Variants in KRTAP10-5 observed in about 807,000 individuals in gnomAD.
The protein encoded by KRTAP10-5 is keratin associated protein 10-5.
For synonymous variants in KRTAP10-5, 157 were observed against 151.9 expected (o/e 1.03, Z -0.25); for missense variants, 370 against 351.2 (o/e 1.05, Z -0.43).
At position 44,580,307 on chromosome 21, in the gene KRTAP10-5, G is replaced by T. The variant is rs782813695; in HGVS notation, c.272C>A (p.Pro91His). 2 of 1,614,028 alleles carry T rather than the reference G, an allele frequency of 1.2e-6. No homozygotes were observed. The highest frequency in any genetic ancestry group is 1.7e-6 in the Non-Finnish European group (2 of 1,179,990). ...GCAGCACACAGGCTTGCAGCAGACG[G>T]GCACGCAGCAGGCCTGCTGGCAGGG... Reference protein sequence around the residue: ...SSPCQQACCVPVCCKPVCCLP... With the variant: ...SSPCQQACCVHVCCKPVCCLP... Residue 91 changes from proline (P) to histidine (H), a missense_variant, in exon 1 of 1, where the codon CCC (proline) becomes CAC (histidine). By Grantham distance (77) the Pro-to-His change is moderately conservative. Coordinates refer to ENST00000400372, the MANE Select transcript of KRTAP10-5 (RefSeq NM_198694.3).
At position 44,580,363 on chromosome 21, in the gene KRTAP10-5, C is replaced by G. The variant is rs782099085; in HGVS notation, c.216G>C (p.Ser72=). 6.2e-7 allele frequency: 1 copy of G among 1,613,578 alleles called. No individual in the cohort carries two copies. The highest frequency in any genetic ancestry group is 1.7e-5 in the Admixed American group (1 of 60,000). The stretch of plus-strand genomic sequence containing the variant: ...AGGCGCAGCAAGCCGGCTGGCAGCA[C>G]GAGGGCGTGCAGGAGCTGGTGCAGC... ...QSGCTSSCTP[S]CCQPACCASS... Residue 72 remains serine, a synonymous_variant, in exon 1 of 1, where the codon TCG becomes TCC. Transcript: ENST00000400372.
Position 44,579,530 on chromosome 21 carries a change from G to GAA in KRTAP10-5, c.*232_*233insTT. 1 of 599,684 alleles carries GAA rather than the reference G, an allele frequency of 1.7e-6. No homozygotes were observed. The highest frequency in any genetic ancestry group is 2.9e-6 in the Non-Finnish European group (1 of 342,056). The allele number at this position is 599,684 out of a possible 1,614,324, so 37.1% of individuals were successfully genotyped here. ...TTCAAGTCGAGGCCAAGTGACATGG[G>GAA]GCAGAGAAGCTGGGAGGGAGGACAG... On this transcript the variant is annotated 3_prime_UTR_variant, in exon 1 of 1. Coordinates refer to ENST00000400372, the MANE Select transcript of KRTAP10-5 (RefSeq NM_198694.3).
Position 44,580,160 on chromosome 21 carries a change from C to A in KRTAP10-5, c.419G>T (p.Cys140Phe). 2 of 1,613,882 alleles carry A rather than the reference C, an allele frequency of 1.2e-6. No homozygotes were observed. Among genetic ancestry groups the A allele is most frequent in the Non-Finnish European group, 1.7e-6 (2 of 1,179,960 alleles). ...ATCCTCAGAACAGGTGGGCACACAG[C>A]ACACGGGCTTGCAGCAGACAGGCAC... ...CCVPVCCKPV[C>F]CVPTCSEDSS... Residue 140 changes from cysteine (C) to phenylalanine (F), a missense_variant, in exon 1 of 1, where the codon TGC (cysteine) becomes TTC (phenylalanine). Cys to Phe is a radical substitution (Grantham distance 205). Transcript: ENST00000400372.
Position 44,579,641 on chromosome 21 carries a change from G to C in KRTAP10-5, c.*122C>G, listed in dbSNP as rs587638657. The C allele has an allele frequency of 2.6e-5, 32 of 1,224,836 alleles. No individual in the cohort carries two copies. The highest frequency in any genetic ancestry group is 1.1e-4 in the African/African-American group (7 of 64,990). The allele number at this position is 1,224,836 out of a possible 1,614,324, so 75.9% of individuals were successfully genotyped here. ...GAGATTCCTGGGAGTATGGAGGGGGGGGTCACCTCAGCACATGGGGGCCCC... is the reference window on the plus strand; with the variant it reads ...GAGATTCCTGGGAGTATGGAGGGGGCGGTCACCTCAGCACATGGGGGCCCC... On this transcript the variant is annotated 3_prime_UTR_variant, in exon 1 of 1. Coordinates refer to ENST00000400372, the MANE Select transcript of KRTAP10-5 (RefSeq NM_198694.3).
In KRTAP10-5 at chr21:44,579,826, G is replaced by A. The variant is rs782646105; in HGVS notation, c.753C>T (p.Cys251=). The change falls in exon 1 of 1, where the codon TGC becomes TGT. Residue 251 remains cysteine (C), a synonymous_variant. Transcript: ENST00000400372. ...CAPASSYQAS[C]CRPASCVSLL... ...GGGACACGCAGGAGGCCGGGCGGCA[G>A]CAGCTGGCCTGGTAGGAGGAGGCAG... 1.1e-5 allele frequency: 18 copies of A among 1,610,076 alleles called. No homozygotes were observed. The Admixed American group carries it at 2.7e-4, about 24-fold the overall frequency.
chr21:44,580,085 G>A lies in KRTAP10-5; in HGVS notation c.494C>T (p.Ser165Phe), dbSNP rs1555924759. The A allele has an allele frequency of 6.2e-7, 1 of 1,613,710 alleles. No homozygotes were observed. The highest frequency in any genetic ancestry group is 8.5e-7 in the Non-Finnish European group (1 of 1,179,956). ...HSSCQPTCCT[S>F]SPCQQSCYVP... ...GTAGCAGGACTGCTGGCAGGGGGAG[G>A]AGGTGCAGCAAGTCGGCTGGCAGCT... Residue 165 changes from serine to phenylalanine, a missense_variant, in exon 1 of 1, where the codon TCC (serine) becomes TTC (phenylalanine). Transcript: ENST00000400372.
chr21:44,579,975 G>T lies in KRTAP10-5; in HGVS notation c.604C>A (p.Gln202Lys). 6.2e-7 allele frequency: 1 copy of T among 1,613,404 alleles called. No individual in the cohort carries two copies. The highest frequency in any genetic ancestry group is 8.5e-7 in the Non-Finnish European group (1 of 1,179,946). ...CAGCAAGCCGGCTGACAGCTAGACT[G>T]CTGGCAGCATGAAGTGGAAGCCCCA... Reference protein sequence around the residue: ...CSGASTSCCQQSSCQPACCTT... With the variant: ...CSGASTSCCQKSSCQPACCTT... Residue 202 changes from glutamine (Q) to lysine (K), a missense_variant, in exon 1 of 1, where the codon CAG (glutamine) becomes AAG (lysine). Gln to Lys is a moderately conservative substitution (Grantham distance 53). Coordinates refer to ENST00000400372, the MANE Select transcript of KRTAP10-5 (RefSeq NM_198694.3).
Position 44,579,779 on chromosome 21 carries a change from G to C in KRTAP10-5, c.800C>G (p.Ser267Cys), listed in dbSNP as rs1555924555. The C allele has an allele frequency of 7.4e-6, 12 of 1,611,970 alleles. No homozygotes were observed. The highest frequency in any genetic ancestry group is 9.3e-6 in the Non-Finnish European group (11 of 1,179,050). The change falls in exon 1 of 1, where the codon TCC becomes TGC. Residue 267 changes from serine to cysteine, a missense_variant. Physicochemically the swap from Ser to Cys is moderately radical, Grantham distance 112. Transcript: ENST00000400372. ...CVSLLCRPAC[S>C]PLAC ...GCAGAGGCCTCAGCAGGCCAGGGGG[G>C]AGCACGCGGGGCGGCAGAGGAGGGA...
In KRTAP10-5 at chr21:44,580,580, CTGGGG is replaced by C. The variant is rs1555924981; in HGVS notation, c.-7_-3del. ...GACGGACATGGTGCACGCGGCCATG[CTGGGG>C]TGGGGAAGACGTGAGCTGGGAGCTG... On this transcript the variant is annotated 5_prime_UTR_variant, in exon 1 of 1. Coordinates refer to ENST00000400372, the MANE Select transcript of KRTAP10-5 (RefSeq NM_198694.3). 1.2e-6 allele frequency: 2 copies of C among 1,606,164 alleles called. No homozygotes were observed. The highest frequency in any genetic ancestry group is 1.7e-6 in the Non-Finnish European group (2 of 1,176,136).
chr21:44,580,429 G>C lies in KRTAP10-5; in HGVS notation c.150C>G (p.Pro50=). The change falls in exon 1 of 1, where the codon CCC becomes CCG. Residue 50 remains proline, a synonymous_variant. Coordinates refer to ENST00000400372, the MANE Select transcript of KRTAP10-5 (RefSeq NM_198694.3). ...VCTPVSCVSS[P]CCQAACEPSP... ...TGGGCTCACAGGCCGCCTGGCAGCAGGGGCTGGACACACAGCTCACTGGGG... is the reference window on the plus strand; with the variant it reads ...TGGGCTCACAGGCCGCCTGGCAGCACGGGCTGGACACACAGCTCACTGGGG... The C allele has an allele frequency of 6.2e-7, 1 of 1,613,154 alleles. No individual in the cohort carries two copies. The highest frequency in any genetic ancestry group is 1.1e-5 in the South Asian group (1 of 91,020).
In KRTAP10-5 at chr21:44,580,461, C is replaced by T. The variant is rs782558028; in HGVS notation, c.118G>A (p.Val40Ile). Residue 40 changes from valine (V) to isoleucine (I), a missense_variant, in exon 1 of 1, where the codon GTC becomes ATC. Transcript: ENST00000400372. ...GACACACAGCTCACTGGGGTGCAGA[C>T]CAGGGTCAGGCAGGGGGCGGTGCCG... Reference protein sequence around the residue: ...PCGTAPCLTLVCTPVSCVSSP... With the variant: ...PCGTAPCLTLICTPVSCVSSP... The T allele has an allele frequency of 6.2e-7, 1 of 1,613,070 alleles. No individual in the cohort carries two copies. The highest frequency in any genetic ancestry group is 8.5e-7 in the Non-Finnish European group (1 of 1,179,912).
chr21:44,580,534 G>A lies in KRTAP10-5; in HGVS notation c.45C>T (p.Asp15=), dbSNP rs782624088. 1.2e-5 allele frequency: 19 copies of A among 1,613,628 alleles called. No homozygotes were observed. The highest frequency in any genetic ancestry group is 1.4e-5 in the Non-Finnish European group (16 of 1,179,942). The part of the protein sequence containing the change: ...TMSVCSSACS[D]SWRVDDCPES... ...CTGGGCAGTCGTCCACTCGCCAGGAGTCAGAGCAAGCGCTGGAGCAGACGG... is the reference window on the plus strand; with the variant it reads ...CTGGGCAGTCGTCCACTCGCCAGGAATCAGAGCAAGCGCTGGAGCAGACGG... The change falls in exon 1 of 1, where the codon GAC becomes GAT. Residue 15 remains aspartate, a synonymous_variant. Coordinates refer to ENST00000400372, the MANE Select transcript of KRTAP10-5 (RefSeq NM_198694.3).
Position 44,579,881 on chromosome 21 carries a change from C to T in KRTAP10-5, c.698G>A (p.Cys233Tyr), listed in dbSNP as rs1314682031. The T allele has an allele frequency of 1.9e-6, 3 of 1,599,186 alleles. No individual in the cohort carries two copies. The highest frequency in any genetic ancestry group is 2.7e-5 in the African/African-American group (2 of 74,342). ...LLCRPICRPA[C>Y]CLPISSCCAP... is the part of the protein sequence containing the mutation. ...ACAGCAGGAGGAGATGGGCAGGCAGCAGGCGGGCCTGCATATGGGGCGGCA... is the reference window on the plus strand; with the variant it reads ...ACAGCAGGAGGAGATGGGCAGGCAGTAGGCGGGCCTGCATATGGGGCGGCA... Residue 233 changes from cysteine (C) to tyrosine (Y), a missense_variant, in exon 1 of 1, where the codon TGC (cysteine) becomes TAC (tyrosine). Physicochemically the swap from Cys to Tyr is radical, Grantham distance 194. Transcript: ENST00000400372.
At position 44,580,070 on chromosome 21, in the gene KRTAP10-5, T is replaced by A; in HGVS notation, c.509A>T (p.Gln170Leu). Reference sequence around the variant, plus strand: ...GCAACAGACAGGCACGTAGCAGGACTGCTGGCAGGGGGAGGAGGTGCAGCA... The same window carrying A: ...GCAACAGACAGGCACGTAGCAGGACAGCTGGCAGGGGGAGGAGGTGCAGCA... ...PTCCTSSPCQ[Q>L]SCYVPVCCKP... The change falls in exon 1 of 1, where the codon CAG becomes CTG. Residue 170 changes from glutamine (Q) to leucine (L), a missense_variant. Coordinates refer to ENST00000400372, the MANE Select transcript of KRTAP10-5 (RefSeq NM_198694.3). 1 of 1,613,132 alleles carries A rather than the reference T, an allele frequency of 6.2e-7. No individual in the cohort carries two copies. Among genetic ancestry groups the A allele is most frequent in the South Asian group, 1.1e-5 (1 of 90,996 alleles).
rs1211989687 is a variant in KRTAP10-5 at position 44,580,350 on chromosome 21, C to T, written c.229G>A (p.Ala77Thr). The T allele has an allele frequency of 4.3e-6, 7 of 1,613,356 alleles. No individual in the cohort carries two copies. The East Asian group carries it at 8.9e-5, about 21-fold the overall frequency. The change falls in exon 1 of 1, where the codon GCT becomes ACT. Residue 77 changes from alanine to threonine, a missense_variant. By Grantham distance (58) the Ala-to-Thr change is moderately conservative. Transcript: ENST00000400372. ...TGGCAGGGGGAGGAGGCGCAGCAAG[C>T]CGGCTGGCAGCACGAGGGCGTGCAG... ...SSCTPSCCQP[A>T]CCASSPCQQA...
chr21:44,580,240 C>T lies in KRTAP10-5; in HGVS notation c.339G>A (p.Gln113=), dbSNP rs879963618. 2 of 1,610,166 alleles carry T rather than the reference C, an allele frequency of 1.2e-6. No homozygotes were observed. The highest frequency in any genetic ancestry group is 8.5e-7 in the Non-Finnish European group (1 of 1,179,196). The change falls in exon 1 of 1, where the codon CAG becomes CAA. Residue 113 remains glutamine, a synonymous_variant. Coordinates refer to ENST00000400372, the MANE Select transcript of KRTAP10-5 (RefSeq NM_198694.3). ...CSKDSSSCCQ[Q]SSCQPTCCAS... ...CACAGCAAGTTGGCTGGCAGCTAGA[C>T]TGCTGGCAGCATGAAGAGGAATCCT...
rs782651890 is a variant in KRTAP10-5, at chr21:44,580,519, G to A, written c.60C>T (p.Asp20=). ...SSACSDSWRV[D]DCPESCCEPP... ...GCTCACAGCAGCTCTCTGGGCAGTC[G>A]TCCACTCGCCAGGAGTCAGAGCAAG... The change falls in exon 1 of 1, where the codon GAC becomes GAT. Residue 20 remains aspartate (D), a synonymous_variant. Coordinates refer to ENST00000400372, the MANE Select transcript of KRTAP10-5 (RefSeq NM_198694.3). 12 of 1,613,580 alleles carry A rather than the reference G, an allele frequency of 7.4e-6. No homozygotes were observed. Among genetic ancestry groups the A allele is most frequent in the Non-Finnish European group, 7.6e-6 (9 of 1,179,956 alleles).
Position 44,579,938 on chromosome 21 carries a change from C to T in KRTAP10-5, c.641G>A (p.Cys214Tyr), listed in dbSNP as rs1223455753. 1 of 1,614,074 alleles carries T rather than the reference C, an allele frequency of 6.2e-7. No homozygotes were observed. Among genetic ancestry groups the T allele is most frequent in the Non-Finnish European group, 8.5e-7 (1 of 1,179,994 alleles). The part of the protein sequence containing the change: ...SCQPACCTTS[C>Y]CRPSSSVSLL... ...GGACACGGAGGAGGAGGGTCTGCAGCAGGAGGTGGTGCAGCAAGCCGGCTG... is the reference window on the plus strand; with the variant it reads ...GGACACGGAGGAGGAGGGTCTGCAGTAGGAGGTGGTGCAGCAAGCCGGCTG... The change falls in exon 1 of 1, where the codon TGC (cysteine) becomes TAC (tyrosine). Residue 214 changes from cysteine to tyrosine, a missense_variant. Coordinates refer to ENST00000400372, the MANE Select transcript of KRTAP10-5 (RefSeq NM_198694.3).
rs782577583 is a variant in KRTAP10-5 at position 44,579,873 on chromosome 21, G to T, written c.706C>A (p.Pro236Thr). 3.8e-6 allele frequency: 6 copies of T among 1,598,664 alleles called. No homozygotes were observed. In the South Asian group the frequency reaches 6.7e-5, roughly 18 times the overall value. Residue 236 changes from proline to threonine, a missense_variant, in exon 1 of 1, where the codon CCC (proline) becomes ACC (threonine). Physicochemically the swap from Pro to Thr is conservative, Grantham distance 38 (BLOSUM62 -1). Transcript: ENST00000400372. ...RPICRPACCL[P>T]ISSCCAPASS... ...GCAGGGGCACAGCAGGAGGAGATGG[G>T]CAGGCAGCAGGCGGGCCTGCATATG...
Sources: allele counts gnomAD v4.1 joint callset, GRCh38; gene constraint gnomAD v4.1.1; transcripts MANE v1.5; gene names NCBI Gene and HGNC (gene_info 2026-07-23, HGNC 2026-07-21).